Variants in DUSP5 observed in about 807,000 individuals in gnomAD.
DUSP5 encodes the protein dual specificity phosphatase 5, also known as dual specificity protein phosphatase 5.
In DUSP5, 22 loss-of-function variants were observed where a neutral mutation model predicts 33.6. That is an observed-to-expected ratio of 0.66 (90% CI 0.47 to 0.94). The LOEUF (loss-of-function observed/expected upper bound fraction) is 0.94. Ranked by LOEUF, DUSP5 falls within the 40% of genes least tolerant of loss-of-function variation. DUSP5 has a pLI of 0.00. For missense variants in DUSP5, 551 were observed against 522.1 expected, an observed-to-expected ratio of 1.06 and a Z score of -0.54; for synonymous variants, 270 against 231.1, an observed-to-expected ratio of 1.17 and a Z score of -1.53.
chr10:110,504,911 T>C (rs369873835), intron 2 of DUSP5, among the ~76,000 whole-genome samples: 1 of 152,188 alleles, frequency 6.6e-6, no homozygotes, highest in Non-Finnish European at 1.5e-5. Context: ...GGGTCATAGA[T>C]TAAAGAAGCT....
At position 110,510,262 on chromosome 10, in the gene DUSP5, G is replaced by A. The variant is rs201835011; in HGVS notation, c.991G>A (p.Gly331Arg). Residue 331 changes from glycine (G) to arginine (R), a missense_variant, in exon 4 of 4, where the codon GGG (glycine) becomes AGG (arginine). By Grantham distance (125) the Gly-to-Arg change is moderately radical. Transcript: ENST00000369583. ...TPNPQPPSCQ[G>R]EAAGSSLIGH... ...CAACCCCCAGCCTCCCTCCTGCCAA[G>A]GGGAGGCAGCAGGCTCTTCACTGAT... The A allele has an allele frequency of 1.2e-6, 2 of 1,613,970 alleles. No homozygotes were observed. The highest frequency in any genetic ancestry group is 3.3e-5 in the Admixed American group (2 of 60,010).
In DUSP5 at chr10:110,498,483, G is replaced by T. The variant is rs1178667929; in HGVS notation, c.362G>T (p.Arg121Leu). 3.2e-6 allele frequency: 5 copies of T among 1,542,334 alleles called. No individual in the cohort carries two copies. Among genetic ancestry groups the T allele is most frequent in the Non-Finnish European group, 4.3e-6 (5 of 1,153,754 alleles). The change falls in exon 1 of 4, where the codon CGG becomes CTG. Residue 121 changes from arginine to leucine, a missense_variant. Coordinates refer to ENST00000369583, the MANE Select transcript of DUSP5 (RefSeq NM_004419.4). ...SLLACLPAGP[R>L]VYFLKGGYET... ...CTCGCTTGCCTACCCGCCGGCCCGC[G>T]GGTCTACTTCCTCAAAGGTGAGCGC...
intron 1 of DUSP5, 35 bp downstream of exon 1, chr10:110,498,535 C>A: frequency 7.1e-7 from 1 of 1,409,420 alleles, no homozygotes; most frequent in Admixed American, 3.0e-5. Flanking sequence ...GCTCGCCCCT[C>A]CGGCGCCCCC....
At chr10:110,501,713 G>C (rs1860050472) in intron 1 of DUSP5, among the ~76,000 whole-genome samples, 2 of 152,162 alleles carry the variant, frequency 1.3e-5, no homozygotes, top group Non-Finnish European at 1.5e-5. Context: ...TTGCTCTCTG[G>C]GTTACCAGCA....
rs755076416 is a variant in DUSP5 at position 110,498,330 on chromosome 10, C to A, written c.209C>A (p.Ala70Glu). The part of the protein sequence containing the change: ...VSARYVLPDE[A>E]ARARLLQEGG... ...GCGCGCTACGTGCTGCCCGACGAGG[C>A]GGCGCGCGCGCGGCTCCTGCAGGAG... Residue 70 changes from alanine to glutamate, a missense_variant, in exon 1 of 4, where the codon GCG becomes GAG. Coordinates refer to ENST00000369583, the MANE Select transcript of DUSP5 (RefSeq NM_004419.4). 1 of 1,341,916 alleles carries A rather than the reference C, an allele frequency of 7.5e-7. No individual in the cohort carries two copies. The allele number at this position is 1,341,916 out of a possible 1,614,324, so 83.1% of individuals were successfully genotyped here. A position where few individuals can be genotyped will look rare whatever the true frequency, so the allele number is the denominator to read the frequency against.
rs137993033 is a variant in DUSP5 at position 110,498,178 on chromosome 10, G to A, written c.57G>A (p.Ala19=). Residue 19 remains alanine (A), a synonymous_variant, in exon 1 of 4, where the codon GCG becomes GCA. Coordinates refer to ENST00000369583, the MANE Select transcript of DUSP5 (RefSeq NM_004419.4). The part of the protein sequence containing the change: ...RQLRKMLRKE[A]AARCVVLDCR... The stretch of plus-strand genomic sequence containing the variant: ...TGCGCAAGATGCTCCGCAAGGAGGC[G>A]GCGGCGCGCTGCGTGGTGCTCGACT... 89 of 1,494,950 alleles carry A rather than the reference G, an allele frequency of 6.0e-5. No homozygotes were observed. Among genetic ancestry groups the A allele is most frequent in the Non-Finnish European group, 8.0e-6 (9 of 1,121,572 alleles). The allele number at this position is 1,494,950 out of a possible 1,614,324, so 92.6% of individuals were successfully genotyped here. A position where few individuals can be genotyped will look rare whatever the true frequency, so the allele number is the denominator to read the frequency against.
rs141486137 is a variant in DUSP5, at chr10:110,498,754, C to A, written c.379+254C>A. Among the ~76,000 whole-genome samples the A allele has an allele frequency of 3.8e-3, 573 of 152,292 alleles. 1 individual carries two copies. The highest frequency in any genetic ancestry group is 6.8e-3 in the Middle Eastern group (2 of 294). ...GGTCTGGGTGGAGTTGGTTATGCTG[C>A]GGGGGCTGCTGCTGTTTAGCAGTTT... On this transcript the variant is annotated intron_variant, in intron 1 of 3. Transcript: ENST00000369583.
Position 110,497,942 on chromosome 10 carries a change from G to C in DUSP5, c.-180G>C, listed in dbSNP as rs930937179. Reference sequence around the variant, plus strand: ...GCGGCGAGCGGCCGGGCTGGCTATCGAGCGAGCGGGGCGGGAACGCGGAGT... The same window carrying C: ...GCGGCGAGCGGCCGGGCTGGCTATCCAGCGAGCGGGGCGGGAACGCGGAGT... On this transcript the variant is annotated 5_prime_UTR_variant, in exon 1 of 4. Coordinates refer to ENST00000369583, the MANE Select transcript of DUSP5 (RefSeq NM_004419.4). 2 of 346,836 alleles carry C rather than the reference G, an allele frequency of 5.8e-6. No individual in the cohort carries two copies. The highest frequency in any genetic ancestry group is 2.2e-5 in the African/African-American group (1 of 45,060). 21.5% of individuals were successfully genotyped at this position (346,836 alleles called of 1,614,324 possible).
intron 2 of DUSP5, among the ~76,000 whole-genome samples, chr10:110,503,192 T>C (rs1045712509): frequency 6.6e-6 from 1 of 152,228 alleles, no homozygotes; most frequent in Non-Finnish European, 1.5e-5. Flanking sequence ...AGAGAAGCTT[T>C]GAAATACTGG....
At chr10:110,508,762 C>G (rs1276617221) in intron 3 of DUSP5, among the ~76,000 whole-genome samples, 1 of 152,172 alleles carries the variant, frequency 6.6e-6, no homozygotes. Flanking sequence ...TTGGGGGTCT[C>G]CCCTTTGAAC....
chr10:110,498,304 G>A lies in DUSP5; in HGVS notation c.183G>A (p.Ser61=). ...GGCGGGCCCGGGGCGGCGCGGTGTC[G>A]GCGCGCTACGTGCTGCCCGACGAGG... ...VLRRARGGAV[S]ARYVLPDEAA... The change falls in exon 1 of 4, where the codon TCG becomes TCA. Residue 61 remains serine (S), a synonymous_variant. Coordinates refer to ENST00000369583, the MANE Select transcript of DUSP5 (RefSeq NM_004419.4). 7.0e-7 allele frequency: 1 copy of A among 1,436,206 alleles called. No individual in the cohort carries two copies. Among genetic ancestry groups the A allele is most frequent in the Non-Finnish European group, 9.2e-7 (1 of 1,090,608 alleles). 89.0% of individuals were successfully genotyped at this position (1,436,206 alleles called of 1,614,324 possible).
intron 2 of DUSP5, 74 bp downstream of exon 2, chr10:110,502,943 T>C: frequency 6.3e-7 from 1 of 1,576,806 alleles, no homozygotes; most frequent in South Asian, 1.1e-5. Context: ...CCTCAGCACC[T>C]GACTGTTCTC....
At chr10:110,503,135 A>G (rs1860077021) in intron 2 of DUSP5, among the ~76,000 whole-genome samples, 1 of 152,214 alleles carries the variant, frequency 6.6e-6, no homozygotes, top group Non-Finnish European at 1.5e-5. Flanking sequence ...CTTCTGGGGA[A>G]AAGGGGAAGT....
chr10:110,504,544 G>A (rs757245060), intron 2 of DUSP5, among the ~76,000 whole-genome samples: 4 of 152,210 alleles, frequency 2.6e-5, no homozygotes, highest in South Asian at 2.1e-4. Flanking sequence ...CTTAAAGGGC[G>A]AGCCTGTTAG....
chr10:110,498,172 G>T lies in DUSP5; in HGVS notation c.51G>T (p.Lys17Asn). Residue 17 changes from lysine to asparagine, a missense_variant, in exon 1 of 4, where the codon AAG (lysine) becomes AAT (asparagine). By Grantham distance (94) the Lys-to-Asn change is moderately conservative. Around this residue, in one of 3 missense-constraint regions of DUSP5, gnomAD observed 381 missense variants for 310.4 expected, o/e 1.23. Transcript: ENST00000369583. ...GCCAGCTGCGCAAGATGCTCCGCAA[G>T]GAGGCGGCGGCGCGCTGCGTGGTGC... ...DGRQLRKMLRKEAAARCVVLD... is the reference protein window; with the variant it reads ...DGRQLRKMLRNEAAARCVVLD... The T allele has an allele frequency of 6.7e-7, 1 of 1,491,576 alleles. No homozygotes were observed. Among genetic ancestry groups the T allele is most frequent in the Non-Finnish European group, 8.9e-7 (1 of 1,119,630 alleles). 92.4% of individuals were successfully genotyped at this position (1,491,576 alleles called of 1,614,324 possible).
In DUSP5 at chr10:110,498,396, G is replaced by T. The variant is rs1159052251; in HGVS notation, c.275G>T (p.Gly92Val). The change falls in exon 1 of 4, where the codon GGC (glycine) becomes GTC (valine). Residue 92 changes from glycine to valine, a missense_variant. Physicochemically the swap from Gly to Val is moderately radical, Grantham distance 109. This residue lies in a region of DUSP5 where 381 missense variants were observed against 310.4 expected (regional missense o/e 1.23). Coordinates refer to ENST00000369583, the MANE Select transcript of DUSP5 (RefSeq NM_004419.4). ...GCGGCCGTGGTGGTGCTGGACCAGGGCAGCCGCCACTGGCAGAAGCTGCGA... is the reference window on the plus strand; with the variant it reads ...GCGGCCGTGGTGGTGCTGGACCAGGTCAGCCGCCACTGGCAGAAGCTGCGA... ...GVAAVVVLDQ[G>V]SRHWQKLREE... The T allele has an allele frequency of 2.0e-6, 3 of 1,504,110 alleles. No individual in the cohort carries two copies. Among genetic ancestry groups the T allele is most frequent in the African/African-American group, 2.9e-5 (2 of 69,828 alleles). The allele number at this position is 1,504,110 out of a possible 1,614,324, so 93.2% of individuals were successfully genotyped here.
intron 3 of DUSP5, among the ~76,000 whole-genome samples, chr10:110,508,490 T>G (rs1860146799): frequency 6.6e-6 from 1 of 152,198 alleles, no homozygotes. Context: ...AGGATGCTTT[T>G]TCTCCGATTG....
In DUSP5 at chr10:110,507,959, G is replaced by A. The variant is rs149430571; in HGVS notation, c.748+805G>A. 8.7e-3 allele frequency among the ~76,000 whole-genome samples: 1,320 copies of A among 152,286 alleles called. 27 individuals carry two copies. Among genetic ancestry groups the A allele is most frequent in the African/African-American group, 0.03 (1,259 of 41,540 alleles). On this transcript the variant is annotated intron_variant, in intron 3 of 3. Transcript: ENST00000369583. Reference sequence around the variant, plus strand: ...GTCTCTAACCTTGTGATCATGCCCCGTTTTCCAGCTCCCATCTTCCTCTTT... The same window carrying A: ...GTCTCTAACCTTGTGATCATGCCCCATTTTCCAGCTCCCATCTTCCTCTTT...
Position 110,500,724 on chromosome 10 carries a change from C to G in DUSP5, c.380-1997C>G, listed in dbSNP as rs140969781. The stretch of plus-strand genomic sequence containing the variant: ...CAGACTCACTCCAAAAGAAGTAGCT[C>G]TAAGAATTGCCATGGCTTTTGCCAC... On this transcript the variant is annotated intron_variant, in intron 1 of 3. Transcript: ENST00000369583. 2.9e-3 allele frequency among the ~76,000 whole-genome samples: 443 copies of G among 152,300 alleles called. 2 individuals carry two copies. Among genetic ancestry groups the G allele is most frequent in the African/African-American group, 9.8e-3 (409 of 41,552 alleles).
Sources: gnomAD v4.1 joint callset for allele counts (sites outside exome capture counted in the v4.1 genomes callset) on GRCh38, gnomAD v4.1.1 for gene constraint, gnomAD v4.1.1 regional missense constraint, MANE v1.5 for transcripts, NCBI Gene and HGNC (gene_info 2026-07-23, HGNC 2026-07-21) for gene names.